CTNNA3: variants seen among roughly 807,000 people sequenced by gnomAD.
CTNNA3 encodes the protein catenin alpha-3.
CTNNA3 carries 76 observed loss-of-function variants against 95.7 expected under a neutral mutation model. That is an observed-to-expected ratio of 0.79 (90% confidence interval 0.66 to 0.96). The LOEUF (loss-of-function observed/expected upper bound fraction) is 0.96, where lower values mean the gene tolerates loss of function less well. Ranked by LOEUF, CTNNA3 falls within the 40% of genes least tolerant of loss-of-function variation. CTNNA3 has a pLI of 0.00. For missense variants in CTNNA3, 1,191 were observed against 1,089.8 expected (o/e 1.09, Z -1.31); for synonymous variants, 431 against 374.4 (o/e 1.15, Z -1.74).
intron 7 of CTNNA3, among the ~76,000 whole-genome samples, chr10:67,071,455 C>G (rs920386164): frequency 6.6e-6 from 1 of 151,644 alleles, no homozygotes; most frequent in African/African-American, 2.4e-5. Flanking sequence ...TATCTTCTCA[C>G]TTCTTTTGTT....
chr10:66,021,717 A>G (rs1477044714), intron 15 of CTNNA3, among the ~76,000 whole-genome samples: 1 of 152,166 alleles, frequency 6.6e-6, no homozygotes, highest in African/African-American at 2.4e-5. Flanking sequence ...AAACCACAGT[A>G]TTAGTGTCCA....
chr10:66,509,964 A>G (rs1308877449), intron 11 of CTNNA3, among the ~76,000 whole-genome samples: 1 of 151,964 alleles, frequency 6.6e-6, no homozygotes, highest in Non-Finnish European at 1.5e-5. Flanking sequence ...TAAGGATTGC[A>G]CTGAATCTGT....
chr10:67,010,550 G>GT (rs1490822056), intron 7 of CTNNA3, among the ~76,000 whole-genome samples: 1 of 152,172 alleles, frequency 6.6e-6, no homozygotes, highest in African/African-American at 2.4e-5. Context: ...AAGAAGAAGA[G>GT]TGGGGGGAGC....
At chr10:66,358,146 A>G (rs1049214470) in intron 12 of CTNNA3, among the ~76,000 whole-genome samples, 2 of 152,184 alleles carry the variant, frequency 1.3e-5, no homozygotes, top group Non-Finnish European at 1.5e-5. Flanking sequence ...TCTTCAGTCA[A>G]CAGGGGAACT....
chr10:66,515,347 A>G (rs12766160), intron 11 of CTNNA3, among the ~76,000 whole-genome samples: 1 of 134,660 alleles, frequency 7.4e-6, no homozygotes, highest in African/African-American at 2.7e-5. Context: ...CTCTCTCTCT[A>G]TATATATATA....
chr10:67,597,404 C>A lies in CTNNA3; in HGVS notation c.292+9453G>T, dbSNP rs1055925904. On this transcript the variant is annotated intron_variant, in intron 3 of 17. Coordinates refer to ENST00000433211, the MANE Select transcript of CTNNA3 (RefSeq NM_013266.4). ...TGTGTGGGTTGATGTTCCCTTAAAT[C>A]TTTGAGCTTGTTCTCCTTTGGATCG... Among the ~76,000 whole-genome samples, 5 of 152,214 alleles carry A rather than the reference C, an allele frequency of 3.3e-5. No homozygotes were observed. In the East Asian group the frequency reaches 9.6e-4, roughly 29 times the overall value.
At chr10:67,541,521 C>T (rs1354447752) in intron 3 of CTNNA3, among the ~76,000 whole-genome samples, 2 of 151,992 alleles carry the variant, frequency 1.3e-5, no homozygotes, top group African/African-American at 4.8e-5. Context: ...AGATCAAATT[C>T]ATATATTCCC....
intron 5 of CTNNA3, among the ~76,000 whole-genome samples, chr10:67,277,822 G>A (rs1839243898): frequency 6.6e-6 from 1 of 152,122 alleles, no homozygotes; most frequent in Admixed American, 6.6e-5. Context: ...GTAATGTCAG[G>A]AAGTTACACT....
chr10:66,683,915 G>T (rs1847155815), intron 9 of CTNNA3, among the ~76,000 whole-genome samples: 1 of 152,112 alleles, frequency 6.6e-6, no homozygotes, highest in African/African-American at 2.4e-5. Flanking sequence ...AGGTAGGATA[G>T]ACAAGAAAAG....
At chr10:66,520,503 C>A (rs7090100) in intron 11 of CTNNA3, 114 bp downstream of exon 11, 1 of 878,392 alleles carries the variant, frequency 1.1e-6, no homozygotes, top group Admixed American at 3.2e-5. Context: ...CCACCTGCCT[C>A]GGCTTCCCAA....
At chr10:66,928,066 C>G in intron 7 of CTNNA3, 1 of 1,614,066 alleles carries the variant, frequency 6.2e-7, no homozygotes, top group Non-Finnish European at 8.5e-7. Flanking sequence ...TAAGCCCAAG[C>G]TCCCCAGGCC....
At chr10:66,604,377 C>T (rs1448691184) in intron 10 of CTNNA3, among the ~76,000 whole-genome samples, 2 of 152,164 alleles carry the variant, frequency 1.3e-5, no homozygotes, top group Non-Finnish European at 2.9e-5. Context: ...CTGCCTCCAC[C>T]GCTGTGGTGA....
At chr10:66,497,716 T>C (rs1270766308) in intron 11 of CTNNA3, among the ~76,000 whole-genome samples, 3 of 152,036 alleles carry the variant, frequency 2.0e-5, no homozygotes, top group African/African-American at 7.2e-5. Context: ...AAAGCAGAAA[T>C]AGAAAATCAT....
intron 7 of CTNNA3, among the ~76,000 whole-genome samples, chr10:66,942,588 A>ATG (rs148640505): frequency 2.0e-4 from 30 of 146,702 alleles, no homozygotes; most frequent in Non-Finnish European, 3.6e-4. Context: ...GTGTGTGTGT[A>ATG]TGTGTGTGTG....
At chr10:66,332,532 T>C (rs1310076337) in intron 12 of CTNNA3, among the ~76,000 whole-genome samples, 4 of 152,106 alleles carry the variant, frequency 2.6e-5, no homozygotes, top group Non-Finnish European at 4.4e-5. Context: ...ATTACGTTTA[T>C]TGATTTGTGT....
At chr10:66,235,412 T>C (rs1209637916) in intron 13 of CTNNA3, among the ~76,000 whole-genome samples, 1 of 151,132 alleles carries the variant, frequency 6.6e-6, no homozygotes, top group African/African-American at 2.4e-5. Context: ...ATATAAGATA[T>C]AATACCAACT....
intron 13 of CTNNA3, among the ~76,000 whole-genome samples, chr10:66,174,640 C>A (rs1306444846): frequency 6.6e-6 from 1 of 151,752 alleles, no homozygotes; most frequent in African/African-American, 2.4e-5. Flanking sequence ...GATGTGAAAC[C>A]TGATAGGATT....
intron 15 of CTNNA3, among the ~76,000 whole-genome samples, chr10:66,058,271 C>T (rs1425615574): frequency 6.6e-6 from 1 of 152,040 alleles, no homozygotes; most frequent in Non-Finnish European, 1.5e-5. Context: ...AGGTGAGTTT[C>T]CTCCCTCCCT....
chr10:67,615,139 G>C (rs73268184), intron 2 of CTNNA3, among the ~76,000 whole-genome samples: 89 of 152,270 alleles, frequency 5.8e-4, no homozygotes, highest in African/African-American at 2.1e-3. Context: ...TACCACAAGT[G>C]ATACAAAAAG....
Sources: allele counts gnomAD v4.1 joint callset (sites outside exome capture counted in the v4.1 genomes callset), GRCh38; gene constraint gnomAD v4.1.1; transcripts MANE v1.5; gene names NCBI Gene and HGNC (gene_info 2026-07-23, HGNC 2026-07-21).